The following MACROD1 variants were observed in gnomAD, a reference collection of about 807,000 sequenced individuals.
MACROD1 encodes the protein ADP-ribose glycohydrolase MACROD1.
Under a neutral mutation model 41.4 loss-of-function variants are expected in MACROD1, and 31 were observed. That is an observed-to-expected ratio of 0.75 (90% CI 0.56 to 1.01). The LOEUF is 1.01. Among genes scored for constraint, MACROD1 ranks in the 50% least tolerant of loss-of-function variants. The probability of loss-of-function intolerance (pLI) is 0.00; values close to 1 mark genes in which losing one functional copy is unlikely to be tolerated. For missense variants in MACROD1, 473 were observed against 460.0 expected (o/e 1.03, Z -0.26); for synonymous variants, 252 against 203.4 (o/e 1.24, Z -2.03).
chr11:64,035,453 A>G (rs1311593020), intron 3 of MACROD1, among the ~76,000 whole-genome samples: 1 of 151,944 alleles, frequency 6.6e-6, no homozygotes, highest in African/African-American at 2.4e-5. Context: ...GGGTGCGGAG[A>G]GGAGGGTGCT....
intron 1 of MACROD1, among the ~76,000 whole-genome samples, chr11:64,161,249 A>G (rs1293314623): frequency 3.3e-5 from 5 of 152,240 alleles, no homozygotes; most frequent in Non-Finnish European, 7.3e-5. Flanking sequence ...ACTATACAGC[A>G]ATGAAAAAGA....
At chr11:64,016,844 C>G (rs1943088578) in intron 3 of MACROD1, among the ~76,000 whole-genome samples, 1 of 152,204 alleles carries the variant, frequency 6.6e-6, no homozygotes, top group Admixed American at 6.5e-5. Context: ...GGAGCTGGAG[C>G]TGGAGGGAGA....
chr11:64,011,469 C>T (rs1943015942), intron 4 of MACROD1, among the ~76,000 whole-genome samples: 1 of 151,796 alleles, frequency 6.6e-6, no homozygotes, highest in Non-Finnish European at 1.5e-5. Flanking sequence ...AGAGCTGTGT[C>T]CCTGGCTCCC....
chr11:64,105,518 C>T (rs1455642723), intron 3 of MACROD1, among the ~76,000 whole-genome samples: 1 of 152,212 alleles, frequency 6.6e-6, no homozygotes, highest in Admixed American at 6.5e-5. Flanking sequence ...CCTGTCCCCT[C>T]CACACAGGCT....
At chr11:64,125,140 AGAG>A (rs1945159132) in intron 3 of MACROD1, among the ~76,000 whole-genome samples, 1 of 106,566 alleles carries the variant, frequency 9.4e-6, no homozygotes. Flanking sequence ...CTGTGCCAGG[AGAG>A]AGTGAGGGTG....
chr11:64,105,553 A>G (rs991966815), intron 3 of MACROD1, among the ~76,000 whole-genome samples: 8 of 152,136 alleles, frequency 5.3e-5, no homozygotes, highest in Non-Finnish European at 1.0e-4. Flanking sequence ...AGAGCATTCT[A>G]TGACGTGCCC....
chr11:64,065,512 A>G (rs56348466), intron 3 of MACROD1, among the ~76,000 whole-genome samples: 16,741 of 152,258 alleles, frequency 0.11, 1,249 homozygotes, highest in Non-Finnish European at 0.15. Context: ...ACAAGGGGCC[A>G]GGCGCGGTGG....
At chr11:64,161,284 CA>C (rs1394002088) in intron 1 of MACROD1, among the ~76,000 whole-genome samples, 1 of 152,144 alleles carries the variant, frequency 6.6e-6, no homozygotes, top group Non-Finnish European at 1.5e-5. Flanking sequence ...CATCCAATAA[CA>C]AGGACGAACT....
chr11:64,004,161 G>T, intron 4 of MACROD1, among the ~76,000 whole-genome samples: 1 of 152,176 alleles, frequency 6.6e-6, no homozygotes, highest in East Asian at 1.9e-4. Flanking sequence ...CAGCCTCCAC[G>T]GCCAGCATTC....
chr11:64,097,099 T>A (rs2845594), intron 3 of MACROD1, among the ~76,000 whole-genome samples: 1 of 152,186 alleles, frequency 6.6e-6, no homozygotes, highest in Non-Finnish European at 1.5e-5. Flanking sequence ...CACTGGCAGC[T>A]GTTTCTAGGT....
In MACROD1 at chr11:64,000,284, G is replaced by T; in HGVS notation, c.607C>A (p.Gln203Lys). 6.2e-7 allele frequency: 1 copy of T among 1,602,404 alleles called. No individual in the cohort carries two copies. Among genetic ancestry groups the T allele is most frequent in the South Asian group, 1.1e-5 (1 of 89,150 alleles). Residue 203 changes from glutamine (Q) to lysine (K), a missense_variant, in exon 5 of 11, where the codon CAG becomes AAG. Transcript: ENST00000255681. ...TTGGCCTTGCCAGTCTTACAGCTCTGCAGGGTCCGGCACTCGTCGGTAAGC... is the reference window on the plus strand; with the variant it reads ...TTGGCCTTGCCAGTCTTACAGCTCTTCAGGGTCCGGCACTCGTCGGTAAGC... ...PLLTDECRTL[Q>K]SCKTGKAKIT... is the part of the protein sequence containing the mutation.
At chr11:64,032,751 G>T (rs1358017465) in intron 3 of MACROD1, among the ~76,000 whole-genome samples, 1 of 152,104 alleles carries the variant, frequency 6.6e-6, no homozygotes. Flanking sequence ...GCTCCCAGGG[G>T]CTCGGCAAGG....
chr11:64,129,155 C>T (rs1945229378), intron 3 of MACROD1, among the ~76,000 whole-genome samples: 1 of 152,258 alleles, frequency 6.6e-6, no homozygotes, highest in African/African-American at 2.4e-5. Flanking sequence ...CAGGTGTTGC[C>T]CAGAAAGGGT....
At chr11:64,054,071 C>T (rs1943741310) in intron 3 of MACROD1, among the ~76,000 whole-genome samples, 1 of 152,162 alleles carries the variant, frequency 6.6e-6, no homozygotes, top group South Asian at 2.1e-4. Context: ...CAGCTGTCAC[C>T]TCCACCTGCG....
At chr11:64,071,077 G>A (rs1766828979) in intron 3 of MACROD1, among the ~76,000 whole-genome samples, 1 of 152,132 alleles carries the variant, frequency 6.6e-6, no homozygotes, top group African/African-American at 2.4e-5. Context: ...CCAGGCCTTT[G>A]TCTCTGTTGG....
intron 3 of MACROD1, among the ~76,000 whole-genome samples, chr11:64,076,224 C>T (rs1274687414): frequency 3.9e-5 from 6 of 152,186 alleles, no homozygotes; most frequent in Non-Finnish European, 7.4e-5. Flanking sequence ...CATGCAGGGT[C>T]CTGCTTCCTT....
intron 3 of MACROD1, among the ~76,000 whole-genome samples, chr11:64,115,127 G>A (rs1014008892): frequency 6.6e-6 from 1 of 152,142 alleles, no homozygotes; most frequent in African/African-American, 2.4e-5. Flanking sequence ...AAAAGCCTCC[G>A]TGAACCCAGT....
intron 3 of MACROD1, among the ~76,000 whole-genome samples, chr11:64,121,350 C>T (rs1272233255): frequency 1.3e-5 from 2 of 152,252 alleles, no homozygotes; most frequent in Admixed American, 1.3e-4. Flanking sequence ...GATCACCCAC[C>T]CACTGGCGCT....
intron 4 of MACROD1, chr11:64,001,346 GGGCCCATCTTT>G: frequency 1.5e-6 from 1 of 685,740 alleles, no homozygotes. Flanking sequence ...CGGGAGGACA[GGGCCCATCTTT>G]GGCAGCTCTG....
Sources: allele counts gnomAD v4.1 joint callset (sites outside exome capture counted in the v4.1 genomes callset), GRCh38; gene constraint gnomAD v4.1.1; transcripts MANE v1.5; gene names NCBI Gene and HGNC (gene_info 2026-07-23, HGNC 2026-07-21).